STAU2: variants seen among roughly 807,000 people sequenced by gnomAD.
STAU2 encodes the protein double-stranded RNA-binding protein Staufen homolog 2.
Under a neutral mutation model 65.9 loss-of-function variants are expected in STAU2, and 20 were observed. The observed-to-expected ratio is 0.30, with a 90% CI of 0.21 to 0.44. The LOEUF (loss-of-function observed/expected upper bound fraction) is 0.44, where lower values mean the gene tolerates loss of function less well. Ranked by LOEUF, STAU2 falls within the 20% of genes least tolerant of loss-of-function variation. The pLI is 1.00. For missense variants in STAU2, 558 were observed against 683.9 expected (o/e 0.82, Z 2.05); for synonymous variants, 232 against 233.9 (o/e 0.99, Z 0.07).
chr8:73,453,431 T>C (rs1818904275), intron 13 of STAU2, among the ~76,000 whole-genome samples: 1 of 152,250 alleles, frequency 6.6e-6, no homozygotes, highest in Non-Finnish European at 1.5e-5. Flanking sequence ...AATGACTATG[T>C]AAGCATATCT....
At chr8:73,669,229 T>C (rs16938713) in intron 6 of STAU2, 118,456 of 614,140 alleles carry the variant, frequency 0.19, 12,751 homozygotes, top group East Asian at 0.36. Flanking sequence ...GGTAGCTTAC[T>C]AGTACTTTCC....
At chr8:73,524,678 A>G (rs1823248320) in intron 13 of STAU2, among the ~76,000 whole-genome samples, 1 of 152,160 alleles carries the variant, frequency 6.6e-6, no homozygotes, top group Non-Finnish European at 1.5e-5. Flanking sequence ...AAGAAGGACC[A>G]CTTCCAAATT....
chr8:73,585,738 C>G (rs556909409), intron 11 of STAU2, among the ~76,000 whole-genome samples: 1 of 152,140 alleles, frequency 6.6e-6, no homozygotes, highest in Non-Finnish European at 1.5e-5. Context: ...CAGACACAAA[C>G]GAGAAATATA....
chr8:73,462,678 C>G (rs1015344137), intron 13 of STAU2, among the ~76,000 whole-genome samples: 2 of 152,068 alleles, frequency 1.3e-5, no homozygotes, highest in African/African-American at 2.4e-5. Context: ...ATTACAGGCG[C>G]GAACCACCAC....
At chr8:73,493,843 T>A (rs1274630674) in intron 13 of STAU2, among the ~76,000 whole-genome samples, 1 of 151,812 alleles carries the variant, frequency 6.6e-6, no homozygotes, top group Non-Finnish European at 1.5e-5. Flanking sequence ...AGTTCAGGTG[T>A]CTATCAAAAG....
chr8:73,532,897 C>T (rs1470834277), intron 13 of STAU2, among the ~76,000 whole-genome samples: 1 of 152,190 alleles, frequency 6.6e-6, no homozygotes, highest in Non-Finnish European at 1.5e-5. Flanking sequence ...TCCTCCACTC[C>T]CCACCCAGCC....
chr8:73,437,468 C>T (rs763871611), intron 13 of STAU2, among the ~76,000 whole-genome samples: 11 of 152,132 alleles, frequency 7.2e-5, no homozygotes, highest in African/African-American at 2.2e-4. Flanking sequence ...GGCAAGGAAA[C>T]GGCTTCTCCC....
intron 3 of STAU2, among the ~76,000 whole-genome samples, chr8:73,737,146 C>A (rs937377603): frequency 1.4e-5 from 2 of 146,690 alleles, no homozygotes; most frequent in African/African-American, 5.1e-5. Flanking sequence ...GGATTACAGG[C>A]GTGAGCGACC....
In STAU2 at chr8:73,504,994, G is replaced by T. The variant is rs71527219; in HGVS notation, c.1530+47018C>A. Among the ~76,000 whole-genome samples, 846 of 151,848 alleles carry T rather than the reference G, an allele frequency of 5.6e-3. 2 individuals are homozygous for T. The highest frequency in any genetic ancestry group is 8.4e-3 in the Non-Finnish European group (572 of 67,922). ...AGTATCTCACAAGATCTATCTTTTG[G>T]CTCATTGTTGTTCTTTCTACTTAGG... On this transcript the variant is annotated intron_variant, in intron 13 of 14. Transcript: ENST00000524300.
chr8:73,489,396 T>C (rs1289008342), intron 13 of STAU2, among the ~76,000 whole-genome samples: 1 of 152,020 alleles, frequency 6.6e-6, no homozygotes, highest in Admixed American at 6.6e-5. Context: ...GATGAATAAA[T>C]AGTTAAGTAC....
chr8:73,727,849 C>T (rs1411772331), intron 3 of STAU2: 1 of 152,210 alleles, frequency 6.6e-6, no homozygotes, highest in Non-Finnish European at 1.5e-5. Flanking sequence ...TACGAGGGTT[C>T]CAGTTTCTCC....
chr8:73,592,858 C>CA (rs1216532667), intron 11 of STAU2, among the ~76,000 whole-genome samples: 1 of 149,826 alleles, frequency 6.7e-6, no homozygotes, highest in African/African-American at 2.4e-5. Context: ...GACTCCGTCT[C>CA]AAAAAAACAA....
intron 5 of STAU2, among the ~76,000 whole-genome samples, chr8:73,687,828 C>T (rs991322859): frequency 2.0e-5 from 3 of 151,912 alleles, no homozygotes; most frequent in East Asian, 1.9e-4. Context: ...TCTCCTGCCT[C>T]GGCCTCCTGA....
At chr8:73,442,158 T>G (rs1320793590) in intron 13 of STAU2, among the ~76,000 whole-genome samples, 1 of 151,882 alleles carries the variant, frequency 6.6e-6, no homozygotes, top group Non-Finnish European at 1.5e-5. Flanking sequence ...ATCGAGATCA[T>G]CCTGGCGAAC....
At chr8:73,451,761 GT>G (rs908860037) in intron 13 of STAU2, among the ~76,000 whole-genome samples, 1 of 152,072 alleles carries the variant, frequency 6.6e-6, no homozygotes, top group African/African-American at 2.4e-5. Context: ...TAATGATTAG[GT>G]TTTGTACACT....
intron 12 of STAU2, among the ~76,000 whole-genome samples, chr8:73,581,464 G>A (rs758409165): frequency 4.6e-5 from 7 of 152,134 alleles, no homozygotes; most frequent in Non-Finnish European, 1.0e-4. Flanking sequence ...GAGGAGGCAT[G>A]GAAGGAAATC....
rs187963580 is a variant in STAU2 at position 73,457,940 on chromosome 8, G to A, written c.1531-35238C>T. Among the ~76,000 whole-genome samples, 11 of 152,260 alleles carry A rather than the reference G, an allele frequency of 7.2e-5. No homozygotes were observed. The East Asian group carries it at 1.7e-3, about 24-fold the overall frequency. ...GGTCTCAGGAGAGGGACCTAGGCAC[G>A]GGGTTGGAGGAGGGCACTGAGGACT... On this transcript the variant is annotated intron_variant, in intron 13 of 14. Coordinates refer to ENST00000524300, the MANE Select transcript of STAU2 (RefSeq NM_001164380.2).
intron 6 of STAU2, among the ~76,000 whole-genome samples, chr8:73,664,395 G>A (rs1313354129): frequency 6.6e-6 from 1 of 152,206 alleles, no homozygotes; most frequent in Non-Finnish European, 1.5e-5. Flanking sequence ...CAAGTATTCA[G>A]TCTTTCACTA....
chr8:73,479,711 ACG>A (rs2128909652), intron 13 of STAU2, among the ~76,000 whole-genome samples: 1 of 46,276 alleles, frequency 2.2e-5, no homozygotes, highest in Non-Finnish European at 4.5e-5. Flanking sequence ...ACTTAAATAT[ACG>A]TGTGTGTGTG....
Sources: allele counts gnomAD v4.1 joint callset (sites outside exome capture counted in the v4.1 genomes callset), GRCh38; gene constraint gnomAD v4.1.1; transcripts MANE v1.5; gene names NCBI Gene and HGNC (gene_info 2026-07-23, HGNC 2026-07-21).